Variants in TMEM217B observed in about 807,000 individuals in gnomAD.
The protein encoded by TMEM217B is putative transmembrane protein 217B.
chr6:37,212,681 C>A, the TMEM217B span: 2 of 603,550 alleles, frequency 3.3e-6, no homozygotes, highest in Non-Finnish European at 6.2e-6. Flanking sequence ...TTGATGAGCT[C>A]GTAAGTGATG....
At chr6:37,236,097 C>G in the TMEM217B span, among the ~76,000 whole-genome samples, 31 of 152,302 alleles carry the variant, frequency 2.0e-4, no homozygotes, top group East Asian at 5.0e-3. Context: ...CCCACTTTAA[C>G]ATCATCGTGT....
At chr6:37,257,574 C>T in the TMEM217B span, 3 of 362,840 alleles carry the variant, frequency 8.3e-6, no homozygotes, top group Non-Finnish European at 1.0e-5. Context: ...TTACCTGCTT[C>T]TTCCCTCTCG....
chr6:37,224,866 T>C, the TMEM217B span, among the ~76,000 whole-genome samples: 1 of 152,018 alleles, frequency 6.6e-6, no homozygotes, highest in Admixed American at 6.5e-5. Flanking sequence ...CATATATATG[T>C]GAATAAAACT....
the TMEM217B span, among the ~76,000 whole-genome samples, chr6:37,247,389 CTTT>C: frequency 1.8e-4 from 23 of 127,740 alleles, no homozygotes; most frequent in Admixed American, 1.6e-4. Flanking sequence ...AACTTTTTTA[CTTT>C]TTTTTTTTTT....
the TMEM217B span, among the ~76,000 whole-genome samples, chr6:37,256,011 A>G: frequency 0.032 from 4,875 of 152,310 alleles, 248 homozygotes; most frequent in African/African-American, 0.11. Context: ...AACATTTCAT[A>G]GAAGATTAAG....
chr6:37,235,622 T>C, the TMEM217B span, among the ~76,000 whole-genome samples: 1 of 151,880 alleles, frequency 6.6e-6, no homozygotes, highest in African/African-American at 2.4e-5. Flanking sequence ...CACCTTGGCC[T>C]CCCAAAGTGC....
the TMEM217B span, among the ~76,000 whole-genome samples, chr6:37,226,414 T>G: frequency 2.7e-5 from 4 of 148,834 alleles, no homozygotes; most frequent in African/African-American, 9.9e-5. Context: ...TGCCTCAGCC[T>G]CCCAAGTAGC....
the TMEM217B span, chr6:37,215,261 G>C: frequency 6.2e-7 from 1 of 1,613,752 alleles, no homozygotes; most frequent in Non-Finnish European, 8.5e-7. Context: ...GAGACAGACA[G>C]GTAAATATGC....
chr6:37,212,463 G>A, the TMEM217B span: 1 of 450,882 alleles, frequency 2.2e-6, no homozygotes, highest in Non-Finnish European at 4.5e-6. Context: ...GTAGTCATGA[G>A]TTCACTGCAA....
At chr6:37,216,358 C>G in the TMEM217B span, among the ~76,000 whole-genome samples, 5 of 152,136 alleles carry the variant, frequency 3.3e-5, no homozygotes, top group Non-Finnish European at 2.9e-5. Context: ...GGATTACAGA[C>G]GTGAGCCCCT....
the TMEM217B span, among the ~76,000 whole-genome samples, chr6:37,245,169 A>G: frequency 1.3e-5 from 2 of 152,226 alleles, no homozygotes; most frequent in Non-Finnish European, 2.9e-5. Context: ...AAGAATTAAG[A>G]TCGTGAATGC....
chr6:37,212,915 T>C, the TMEM217B span: 1 of 1,548,638 alleles, frequency 6.5e-7, no homozygotes, highest in South Asian at 1.2e-5. Flanking sequence ...AAGAACTGGG[T>C]GGTATTAAGG....
the TMEM217B span, among the ~76,000 whole-genome samples, chr6:37,250,474 TCA>T: frequency 2.6e-5 from 4 of 152,370 alleles, no homozygotes; most frequent in East Asian, 7.7e-4. Flanking sequence ...CAATGTAAAC[TCA>T]CACTCATTGC....
the TMEM217B span, among the ~76,000 whole-genome samples, chr6:37,233,295 T>C: frequency 6.6e-6 from 1 of 152,116 alleles, no homozygotes; most frequent in Non-Finnish European, 1.5e-5. Flanking sequence ...TTCCCACCAA[T>C]CTCTTGAATC....
the TMEM217B span, among the ~76,000 whole-genome samples, chr6:37,240,621 C>T: frequency 2.6e-5 from 4 of 152,046 alleles, no homozygotes; most frequent in African/African-American, 9.7e-5. Context: ...GGGGAGAGGA[C>T]AACATAAGGG....
At chr6:37,232,954 T>C in the TMEM217B span, among the ~76,000 whole-genome samples, 186 of 152,334 alleles carry the variant, frequency 1.2e-3, 2 homozygotes, top group South Asian at 0.018. Context: ...CTGTTCTCAC[T>C]TTATACTCTC....
the TMEM217B span, among the ~76,000 whole-genome samples, chr6:37,246,950 G>A: frequency 1.3e-5 from 2 of 151,918 alleles, no homozygotes; most frequent in Admixed American, 6.6e-5. Context: ...GCCAGGTGCC[G>A]GGTCCCGCAG....
At chr6:37,257,376 C>G in the TMEM217B span, among the ~76,000 whole-genome samples, 2 of 152,126 alleles carry the variant, frequency 1.3e-5, no homozygotes, top group Admixed American at 1.3e-4. Context: ...AGGGTAATAA[C>G]CAGAGTGTCA....
chr6:37,240,913 A>C, the TMEM217B span, among the ~76,000 whole-genome samples: 1 of 152,262 alleles, frequency 6.6e-6, no homozygotes, highest in African/African-American at 2.4e-5. Context: ...TTAACCTAGT[A>C]GTAGGTGAAA....
Sources: gnomAD v4.1 joint callset for allele counts (sites outside exome capture counted in the v4.1 genomes callset) on GRCh38, gnomAD v4.1.1 for gene constraint, MANE v1.5 for transcripts, NCBI Gene and HGNC (gene_info 2026-07-23, HGNC 2026-07-21) for gene names.